The following STARD8 variants were observed in gnomAD, a reference collection of about 807,000 sequenced individuals.
The protein encoded by STARD8 is stAR-related lipid transfer protein 8.
Under a neutral mutation model 69.4 loss-of-function variants are expected in STARD8, and 25 were observed. The observed-to-expected ratio is 0.36, with a 90% CI of 0.26 to 0.50. The LOEUF is 0.50. Ranked by LOEUF, STARD8 falls within the 20% of genes least tolerant of loss-of-function variation. The pLI, the probability that STARD8 is intolerant of heterozygous loss-of-function variation, is 0.96. For missense variants in STARD8, 921 were observed against 932.5 expected (o/e 0.99, Z 0.16); for synonymous variants, 389 against 374.6 (o/e 1.04, Z -0.45).
intron 1 of STARD8, among the ~76,000 whole-genome samples, chrX:68,653,297 A>C (rs1602536108): frequency 6.7e-4 from 14 of 20,879 alleles, no homozygotes; most frequent in East Asian, 1.7e-3. Flanking sequence ...ACCACACACC[A>C]CACACACACC....
chrX:68,684,562 G>T (rs980728402), intron 2 of STARD8, among the ~76,000 whole-genome samples: 3 of 112,628 alleles, frequency 2.7e-5, no homozygotes, highest in East Asian at 2.8e-4. Flanking sequence ...CGGGCGGCGT[G>T]GGGGAGGGGG....
At chrX:68,682,723 G>A (rs945484034) in intron 2 of STARD8, among the ~76,000 whole-genome samples, 1 of 112,680 alleles carries the variant, frequency 8.9e-6, no homozygotes, top group African/African-American at 3.2e-5. Flanking sequence ...ATAAATGTTT[G>A]TGAAATAAGT....
Position 68,717,503 on chromosome X carries a change from C to A in STARD8, c.589C>A (p.Gln197Lys). The A allele has an allele frequency of 8.3e-7, 1 of 1,210,738 alleles. No homozygotes were observed. The change falls in exon 6 of 15, where the codon CAG becomes AAG. Residue 197 changes from glutamine (Q) to lysine (K), a missense_variant. Gln to Lys is a moderately conservative substitution (Grantham distance 53). Transcript: ENST00000374599. ...LSPTQGQEGP[Q>K]DKAKKRHRNR... The stretch of plus-strand genomic sequence containing the variant: ...CCCCACCCAGGGCCAGGAGGGTCCC[C>A]AGGACAAAGCCAAGAAGCGCCATCG...
chrX:68,675,013 A>G (rs1019475624), intron 2 of STARD8, among the ~76,000 whole-genome samples: 12 of 105,505 alleles, frequency 1.1e-4, no homozygotes, highest in Non-Finnish European at 2.3e-4. Context: ...CTGGAGTGCA[A>G]TGATGAGATC....
In STARD8 at chrX:68,723,802, C is replaced by G; in HGVS notation, c.2976C>G (p.Asp992Glu). ...PGVELYHYVT[D>E]SMAPHPCRDF... Reference sequence around the variant, plus strand: ...TGGAGCTGTACCACTATGTCACCGACAGCATGGCACCCCATCCCTGCCGCG... The same window carrying G: ...TGGAGCTGTACCACTATGTCACCGAGAGCATGGCACCCCATCCCTGCCGCG... Residue 992 changes from aspartate to glutamate, a missense_variant, in exon 13 of 15, where the codon GAC becomes GAG. Asp to Glu is a conservative substitution (Grantham distance 45). Transcript: ENST00000374599. 1 of 1,183,920 alleles carries G rather than the reference C, an allele frequency of 8.4e-7. No individual in the cohort carries two copies. Among genetic ancestry groups the G allele is most frequent in the Non-Finnish European group, 1.1e-6 (1 of 881,539 alleles).
Position 68,720,354 on chromosome X carries a change from C to G in STARD8, c.1980C>G (p.Arg660=), listed in dbSNP as rs781330150. ...TGCCACCCCTCATCCACGTGCAGCGCACGGGCCAGCCACTGCCACAGAGCA... is the reference window on the plus strand; with the variant it reads ...TGCCACCCCTCATCCACGTGCAGCGGACGGGCCAGCCACTGCCACAGAGCA... The part of the protein sequence containing the change: ...FGVPPLIHVQ[R]TGQPLPQSIQ... The change falls in exon 8 of 15, where the codon CGC becomes CGG. Residue 660 remains arginine, a synonymous_variant. Transcript: ENST00000374599. 8.3e-7 allele frequency: 1 copy of G among 1,200,051 alleles called. No individual in the cohort carries two copies. The highest frequency in any genetic ancestry group is 1.1e-6 in the Non-Finnish European group (1 of 889,789).
At chrX:68,665,410 G>A (rs2079676919) in intron 1 of STARD8, 89 bp from the exon 2 acceptor site, 3 of 1,007,304 alleles carry the variant, frequency 3.0e-6, no homozygotes, top group East Asian at 3.3e-5. Flanking sequence ...TGGGTAATGG[G>A]TAGATCGAAC....
At chrX:68,720,483 T>G in intron 8 of STARD8, 60 bp downstream of exon 8, 1 of 1,101,361 alleles carries the variant, frequency 9.1e-7, no homozygotes, top group Non-Finnish European at 1.2e-6. Flanking sequence ...GTGGTGGGCA[T>G]TGGGCTGAAG....
chrX:68,720,917 G>A lies in STARD8; in HGVS notation c.2050-7G>A. 8.3e-7 allele frequency: 1 copy of A among 1,208,036 alleles called. No homozygotes were observed. Among genetic ancestry groups the A allele is most frequent in the Non-Finnish European group, 1.1e-6 (1 of 892,922 alleles). ...TCCTCACTCCCTCCCTCCCCTGCAT[G>A]GAGTAGGTAGGCATCTTCCGCAAGT... is the stretch of plus-strand genomic sequence containing the variant. On this transcript the variant is annotated splice_polypyrimidine_tract_variant and splice_region_variant and intron_variant, in intron 8 of 14. Transcript: ENST00000374599.
At chrX:68,672,022 C>T (rs1019113462) in intron 2 of STARD8, among the ~76,000 whole-genome samples, 4 of 112,017 alleles carry the variant, frequency 3.6e-5, no homozygotes, top group African/African-American at 9.7e-5. Flanking sequence ...TAAATGTTGG[C>T]GATCATAGCT....
intron 2 of STARD8, among the ~76,000 whole-genome samples, chrX:68,712,461 AAG>A (rs942600832): frequency 1.8e-5 from 2 of 112,723 alleles, no homozygotes; most frequent in Admixed American, 1.9e-4. Flanking sequence ...GATGATGAGA[AAG>A]AGAATGATAG....
At chrX:68,665,230 C>T (rs1475661236) in intron 1 of STARD8, among the ~76,000 whole-genome samples, 2 of 112,040 alleles carry the variant, frequency 1.8e-5, no homozygotes, top group Admixed American at 9.4e-5. Context: ...ATCCCCTGAC[C>T]TGGGGGCCTT....
At chrX:68,656,965 C>T (rs1424659317) in intron 1 of STARD8, among the ~76,000 whole-genome samples, 1 of 111,147 alleles carries the variant, frequency 9.0e-6, no homozygotes, top group African/African-American at 3.3e-5. Context: ...ATGTAACAAA[C>T]CTGCACATTG....
Position 68,719,295 on chromosome X carries a change from C to T in STARD8, c.1786C>T (p.Arg596Trp), listed in dbSNP as rs928904573. ...CAACTCAGAGTCGCTGGAGATCAACCGGCAGTTTGCAGGCCAGATCAACCT... is the reference window on the plus strand; with the variant it reads ...CAACTCAGAGTCGCTGGAGATCAACTGGCAGTTTGCAGGCCAGATCAACCT... Reference protein sequence around the residue: ...SLNSESLEINRQFAGQINLLH... With the variant: ...SLNSESLEINWQFAGQINLLH... The change falls in exon 7 of 15, where the codon CGG (arginine) becomes TGG (tryptophan). Residue 596 changes from arginine to tryptophan, a missense_variant. Coordinates refer to ENST00000374599, the MANE Select transcript of STARD8 (RefSeq NM_001142503.3). 5.8e-6 allele frequency: 7 copies of T among 1,209,202 alleles called. No homozygotes were observed. Among genetic ancestry groups the T allele is most frequent in the Admixed American group, 2.2e-5 (1 of 45,769 alleles).
At chrX:68,672,768 C>T (rs1163947820) in intron 2 of STARD8, among the ~76,000 whole-genome samples, 1 of 111,277 alleles carries the variant, frequency 9.0e-6, no homozygotes, top group East Asian at 2.8e-4. Flanking sequence ...CCCCTTCTGA[C>T]CTGTTTGCTA....
At chrX:68,720,519 C>T in intron 8 of STARD8, 96 bp downstream of exon 8, 1 of 996,902 alleles carries the variant, frequency 1.0e-6, no homozygotes, top group Non-Finnish European at 1.3e-6. Context: ...AGAGGAACTG[C>T]TCTGGCCTTC....
intron 2 of STARD8, among the ~76,000 whole-genome samples, chrX:68,696,984 T>C (rs1481146958): frequency 8.9e-6 from 1 of 111,744 alleles, no homozygotes; most frequent in Non-Finnish European, 1.9e-5. Flanking sequence ...TAAGACCCCA[T>C]GTACCCATCA....
In STARD8 at chrX:68,717,506, G is replaced by C. The variant is rs1159023149; in HGVS notation, c.592G>C (p.Asp198His). The change falls in exon 6 of 15, where the codon GAC becomes CAC. Residue 198 changes from aspartate to histidine, a missense_variant. Asp to His is a moderately conservative substitution (Grantham distance 81, BLOSUM62 -1). Coordinates refer to ENST00000374599, the MANE Select transcript of STARD8 (RefSeq NM_001142503.3). ...SPTQGQEGPQ[D>H]KAKKRHRNRS... ...CACCCAGGGCCAGGAGGGTCCCCAGGACAAAGCCAAGAAGCGCCATCGTAA... is the reference window on the plus strand; with the variant it reads ...CACCCAGGGCCAGGAGGGTCCCCAGCACAAAGCCAAGAAGCGCCATCGTAA... The C allele has an allele frequency of 8.3e-7, 1 of 1,208,766 alleles. No individual in the cohort carries two copies. The highest frequency in any genetic ancestry group is 1.1e-6 in the Non-Finnish European group (1 of 895,190).
At chrX:68,689,716 C>T (rs148997081) in intron 2 of STARD8, among the ~76,000 whole-genome samples, 166 of 112,057 alleles carry the variant, frequency 1.5e-3, no homozygotes, top group African/African-American at 5.0e-3. Flanking sequence ...GGGCTCTGAG[C>T]TCAGCACAGA....
Sources: allele counts gnomAD v4.1 joint callset (sites outside exome capture counted in the v4.1 genomes callset), GRCh38; gene constraint gnomAD v4.1.1; transcripts MANE v1.5; gene names NCBI Gene and HGNC (gene_info 2026-07-23, HGNC 2026-07-21).